UGGT1: variants seen among roughly 807,000 people sequenced by gnomAD.
UGGT1 encodes UDP-glucose glycoprotein glucosyltransferase 1.
In UGGT1, 107 loss-of-function variants were observed where a neutral mutation model predicts 203.9. That is an observed-to-expected ratio of 0.52 (90% CI 0.45 to 0.62). UGGT1 has a LOEUF of 0.62. Among genes scored for constraint, UGGT1 ranks in the 20% least tolerant of loss-of-function variants. UGGT1 has a pLI of 0.00. For synonymous variants in UGGT1, 628 were observed against 653.5 expected (o/e 0.96, Z 0.59); for missense variants, 1,673 against 1,867.2 (o/e 0.90, Z 1.92).
At chr2:128,164,234 T>C (rs1036772281) in intron 25 of UGGT1, among the ~76,000 whole-genome samples, 2 of 152,232 alleles carry the variant, frequency 1.3e-5, no homozygotes, top group African/African-American at 4.8e-5. Context: ...TTTTATAATA[T>C]GTTTTTAAGT....
chr2:128,122,299 A>G (rs1474424615), intron 10 of UGGT1, among the ~76,000 whole-genome samples: 1 of 151,294 alleles, frequency 6.6e-6, no homozygotes, highest in African/African-American at 2.4e-5. Flanking sequence ...TTGGGACGAC[A>G]AGGTGGGTGG....
At chr2:128,133,978 GCCTCCTCAGAACTTGCAGGGAAGATTAC>G (rs1689006974) in intron 14 of UGGT1, among the ~76,000 whole-genome samples, 1 of 152,020 alleles carries the variant, frequency 6.6e-6, no homozygotes, top group Non-Finnish European at 1.5e-5. Flanking sequence ...GCCAAGGTTG[GCCTCCTCAGAACTTGCAGGGAAGATTAC>G]CCTCTCTACT....
At chr2:128,182,347 G>C (rs1691735148) in intron 37 of UGGT1, 57 bp downstream of exon 37, 1 of 1,545,934 alleles carries the variant, frequency 6.5e-7, no homozygotes, top group Non-Finnish European at 8.7e-7. Flanking sequence ...AATTGATTTT[G>C]TGTGGTTAAA....
Position 128,152,771 on chromosome 2 carries a change from T to A in UGGT1, c.2017-13T>A. ...TTACCCTCCCCCCTCAACCTCCTTTTTTTTTCTTGCAGGGTGAACTGCCCC... is the reference window on the plus strand; with the variant it reads ...TTACCCTCCCCCCTCAACCTCCTTTATTTTTCTTGCAGGGTGAACTGCCCC... On this transcript the variant is annotated splice_polypyrimidine_tract_variant and intron_variant, in intron 18 of 40. Coordinates refer to ENST00000259253, the MANE Select transcript of UGGT1 (RefSeq NM_020120.4). 1.3e-6 allele frequency: 2 copies of A among 1,588,760 alleles called. No individual in the cohort carries two copies. Among genetic ancestry groups the A allele is most frequent in the Non-Finnish European group, 1.7e-6 (2 of 1,170,874 alleles).
chr2:128,139,820 C>G, intron 16 of UGGT1: 1 of 154,118 alleles, frequency 6.5e-6, no homozygotes, highest in Non-Finnish European at 1.4e-5. Flanking sequence ...GCTGCCGTGT[C>G]ACTTGTTGCA....
rs1355726473 is a variant in UGGT1 at position 128,138,794 on chromosome 2, C to T, written c.1661C>T (p.Ala554Val). 21 of 1,614,090 alleles carry T rather than the reference C, an allele frequency of 1.3e-5. No individual in the cohort carries two copies. Among genetic ancestry groups the T allele is most frequent in the Non-Finnish European group, 1.7e-5 (20 of 1,180,002 alleles). ...GATGCTGGAGTGGCTGTTCTTAGAG[C>T]ATATAATTATGTTGCCCAAGAAGTG... ...MQDAGVAVLR[A>V]YNYVAQEVDD... The change falls in exon 16 of 41, where the codon GCA becomes GTA. Residue 554 changes from alanine (A) to valine (V), a missense_variant. Ala to Val is a moderately conservative substitution (Grantham distance 64). This residue lies in a region of UGGT1 where 1,073 missense variants were observed against 1,078.7 expected (regional missense o/e 0.99). Coordinates refer to ENST00000259253, the MANE Select transcript of UGGT1 (RefSeq NM_020120.4).
chr2:128,094,972 C>T (rs1405009001), intron 1 of UGGT1, among the ~76,000 whole-genome samples: 1 of 152,042 alleles, frequency 6.6e-6, no homozygotes, highest in African/African-American at 2.4e-5. Flanking sequence ...TGGTCTTGAA[C>T]TCCTGACCTC....
intron 16 of UGGT1, among the ~76,000 whole-genome samples, chr2:128,142,172 G>T (rs1689462376): frequency 6.6e-6 from 1 of 151,910 alleles, no homozygotes; most frequent in African/African-American, 2.4e-5. Context: ...CTGACCTCAA[G>T]TGATCCACCC....
At chr2:128,156,610 T>G (rs983684402) in intron 21 of UGGT1, among the ~76,000 whole-genome samples, 195 bp downstream of exon 21, 3 of 146,306 alleles carry the variant, frequency 2.1e-5, no homozygotes, top group Non-Finnish European at 4.5e-5. Flanking sequence ...CAGGCTGGAG[T>G]GCAGTACCAT....
At chr2:128,142,840 G>C (rs1689503733) in intron 16 of UGGT1, among the ~76,000 whole-genome samples, 1 of 151,902 alleles carries the variant, frequency 6.6e-6, no homozygotes, top group African/African-American at 2.4e-5. Context: ...AAAATTAGCT[G>C]GGCGTGGTGG....
At chr2:128,169,063 A>T in intron 26 of UGGT1, among the ~76,000 whole-genome samples, 1 of 68,260 alleles carries the variant, frequency 1.5e-5, no homozygotes. Flanking sequence ...AAAAAAAAAA[A>T]AAAAAAAAAA....
At chr2:128,177,447 G>A (rs930736359) in intron 32 of UGGT1, among the ~76,000 whole-genome samples, 7 of 152,062 alleles carry the variant, frequency 4.6e-5, no homozygotes, top group Non-Finnish European at 1.0e-4. Context: ...CTGAAAACTG[G>A]TCATAACATG....
chr2:128,104,051 CT>C (rs1347113940), intron 3 of UGGT1, 37 bp downstream of exon 3: 2 of 1,473,758 alleles, frequency 1.4e-6, no homozygotes, highest in African/African-American at 2.9e-5. Context: ...ACTTTGGTGT[CT>C]GGGAAAATAT....
intron 18 of UGGT1, among the ~76,000 whole-genome samples, chr2:128,149,780 C>T (rs560779764): frequency 2.0e-5 from 3 of 149,030 alleles, no homozygotes; most frequent in Admixed American, 6.7e-5. Flanking sequence ...AGCAAGACTC[C>T]GTCTCAAGAA....
chr2:128,135,213 G>A (rs1006470122), intron 15 of UGGT1, among the ~76,000 whole-genome samples: 1 of 152,228 alleles, frequency 6.6e-6, no homozygotes, highest in Non-Finnish European at 1.5e-5. Flanking sequence ...GCTGCAGCTT[G>A]CTTCCCAATG....
intron 13 of UGGT1, 74 bp from the exon 14 acceptor site, chr2:128,133,067 T>G: frequency 6.5e-7 from 1 of 1,541,324 alleles, no homozygotes; most frequent in Non-Finnish European, 8.9e-7. Context: ...TATTTTAAAG[T>G]CTTATTGATA....
intron 8 of UGGT1, among the ~76,000 whole-genome samples, chr2:128,118,020 A>AAGAGAGAGAGAGAGAGAGAGGGAG: frequency 8.1e-6 from 1 of 122,862 alleles, no homozygotes; most frequent in African/African-American, 2.7e-5. Context: ...GAGAGAGGGA[A>AAGAGAGAGAGAGAGAGAGAGGGAG]AGAGAGAGAA....
chr2:128,184,674 TTTTGTTTG>T (rs538532438), intron 38 of UGGT1, among the ~76,000 whole-genome samples: 1 of 152,308 alleles, frequency 6.6e-6, no homozygotes, highest in South Asian at 2.1e-4. Flanking sequence ...AGGTAAACTT[TTTTGTTTG>T]TTTGTTTGTT....
intron 38 of UGGT1, among the ~76,000 whole-genome samples, chr2:128,185,570 C>T (rs549095387): frequency 1.9e-4 from 28 of 150,156 alleles, no homozygotes; most frequent in African/African-American, 6.9e-4. Context: ...AACTCCCAGG[C>T]TCAGGCGATC....
Sources: gnomAD v4.1 joint callset for allele counts (sites outside exome capture counted in the v4.1 genomes callset) on GRCh38, gnomAD v4.1.1 for gene constraint, gnomAD v4.1.1 regional missense constraint, MANE v1.5 for transcripts, NCBI Gene and HGNC (gene_info 2026-07-23, HGNC 2026-07-21) for gene names.